NRXN1: variants seen among roughly 807,000 people sequenced by gnomAD.
NRXN1 encodes neurexin 1.
NRXN1 carries 39 observed loss-of-function variants against 150.9 expected under a neutral mutation model. The ratio of observed to expected loss-of-function variants is 0.26; its 90% CI spans 0.20 to 0.34. The LOEUF (loss-of-function observed/expected upper bound fraction) is 0.34, where lower values mean the gene tolerates loss of function less well. NRXN1 is among the 10% of genes least tolerant of loss of function. The pLI, the probability that NRXN1 is intolerant of heterozygous loss-of-function variation, is 1.00. For synonymous variants in NRXN1, 924 were observed against 757.0 expected (o/e 1.22, Z -3.62); for missense variants, 1,815 against 1,949.9 (o/e 0.93, Z 1.30).
At chr2:51,006,539 G>C (rs1209970070) in intron 2 of NRXN1, among the ~76,000 whole-genome samples, 3 of 147,954 alleles carry the variant, frequency 2.0e-5, no homozygotes, top group African/African-American at 7.8e-5. Context: ...AAAACTTAAA[G>C]TATAATAATA....
intron 5 of NRXN1, among the ~76,000 whole-genome samples, chr2:50,770,190 T>C (rs1702841017): frequency 6.6e-6 from 1 of 152,154 alleles, no homozygotes; most frequent in African/African-American, 2.4e-5. Context: ...AGAATGTCTA[T>C]AAATGTTTAA....
chr2:50,014,551 C>T (rs1220448268), intron 21 of NRXN1, among the ~76,000 whole-genome samples: 1 of 152,078 alleles, frequency 6.6e-6, no homozygotes, highest in Non-Finnish European at 1.5e-5. Context: ...TCGAAAGTGT[C>T]TCCAGACATT....
chr2:50,367,648 G>T (rs547520767), intron 17 of NRXN1, among the ~76,000 whole-genome samples: 13 of 152,070 alleles, frequency 8.5e-5, no homozygotes, highest in African/African-American at 3.1e-4. Context: ...GTCCATGAAA[G>T]CATATCTACC....
chr2:50,206,228 TAC>T (rs66795755), intron 18 of NRXN1, among the ~76,000 whole-genome samples: 4,358 of 106,272 alleles, frequency 0.041, 96 homozygotes, highest in African/African-American at 0.073. Context: ...TACACACAAA[TAC>T]ACACACACAC....
chr2:50,778,188 A>G (rs570724017), intron 5 of NRXN1, among the ~76,000 whole-genome samples: 45 of 152,298 alleles, frequency 3.0e-4, no homozygotes, highest in Middle Eastern at 3.4e-3. Flanking sequence ...CACAGGGACT[A>G]AGGATGTAAA....
Position 50,837,047 on chromosome 2 carries a change from A to G in NRXN1, c.832+84822T>C, listed in dbSNP as rs190642682. On this transcript the variant is annotated intron_variant, in intron 5 of 22. Transcript: ENST00000401669. ...CCCTGAAGATACTTTGCATATTTTTATCCTCTCAGTTAGACTTTGCTCTTT... is the reference window on the plus strand; with the variant it reads ...CCCTGAAGATACTTTGCATATTTTTGTCCTCTCAGTTAGACTTTGCTCTTT... Among the ~76,000 whole-genome samples the G allele has an allele frequency of 9.2e-5, 14 of 152,170 alleles. No individual in the cohort carries two copies. The East Asian group carries it at 2.7e-3, about 29-fold the overall frequency.
At chr2:50,958,570 C>T (rs528755681) in intron 2 of NRXN1, among the ~76,000 whole-genome samples, 4 of 152,024 alleles carry the variant, frequency 2.6e-5, no homozygotes, top group Admixed American at 1.3e-4. Flanking sequence ...TTGTATTTTG[C>T]AACCATGCTG....
intron 18 of NRXN1, among the ~76,000 whole-genome samples, chr2:50,113,877 C>A (rs1702689785): frequency 6.6e-6 from 1 of 152,046 alleles, no homozygotes; most frequent in Non-Finnish European, 1.5e-5. Context: ...ACTAATCATT[C>A]AATGGTCAGT....
At chr2:50,861,468 G>A (rs1676119871) in intron 5 of NRXN1, among the ~76,000 whole-genome samples, 1 of 152,098 alleles carries the variant, frequency 6.6e-6, no homozygotes, top group African/African-American at 2.4e-5. Context: ...CACACAGCTG[G>A]TTAGTTGGCA....
At chr2:50,355,562 G>A (rs1462991840) in intron 17 of NRXN1, among the ~76,000 whole-genome samples, 1 of 151,934 alleles carries the variant, frequency 6.6e-6, no homozygotes, top group East Asian at 1.9e-4. Flanking sequence ...ACTTTTTGTT[G>A]TTGTTGTTTT....
At chr2:50,923,076 T>A (rs1406235201) in intron 3 of NRXN1, among the ~76,000 whole-genome samples, 6 of 151,798 alleles carry the variant, frequency 4.0e-5, no homozygotes, top group Non-Finnish European at 8.8e-5. Context: ...TACATTTTTT[T>A]AAAACCCAAT....
intron 18 of NRXN1, among the ~76,000 whole-genome samples, chr2:50,167,374 G>A (rs2059751795): frequency 6.6e-6 from 1 of 151,988 alleles, no homozygotes; most frequent in Non-Finnish European, 1.5e-5. Context: ...AAGGCAAAAA[G>A]TAAAGGCCAT....
intron 9 of NRXN1, among the ~76,000 whole-genome samples, chr2:50,551,050 G>GGAAGAAGAAGAAGAAGAAGAA (rs1204760729): frequency 1.1e-4 from 9 of 79,014 alleles, no homozygotes; most frequent in African/African-American, 5.8e-4. Flanking sequence ...AAGAGGAAGA[G>GGAAGAAGAAGAAGAAGAAGAA]GAAGAAGAAG....
At chr2:50,441,246 A>T (rs959179018) in intron 17 of NRXN1, among the ~76,000 whole-genome samples, 3 of 152,170 alleles carry the variant, frequency 2.0e-5, no homozygotes, top group African/African-American at 7.2e-5. Flanking sequence ...GGGGTCCCCA[A>T]ATTATAAATT....
intron 5 of NRXN1, among the ~76,000 whole-genome samples, chr2:50,794,315 A>G (rs1365669080): frequency 1.3e-5 from 2 of 152,098 alleles, no homozygotes; most frequent in Non-Finnish European, 2.9e-5. Context: ...TTCTCCCTCA[A>G]AAGGCTTCTA....
chr2:50,541,633 C>T (rs1008040400), intron 9 of NRXN1, among the ~76,000 whole-genome samples: 20 of 152,132 alleles, frequency 1.3e-4, no homozygotes, highest in Middle Eastern at 3.4e-3. Flanking sequence ...CTTGAGTTTT[C>T]TGAACACGGT....
At chr2:50,354,253 AT>A (rs1008865096) in intron 17 of NRXN1, among the ~76,000 whole-genome samples, 2 of 152,012 alleles carry the variant, frequency 1.3e-5, no homozygotes, top group Non-Finnish European at 1.5e-5. Context: ...TTAGAAAAAA[AT>A]ATTCTATTTT....
intron 16 of NRXN1, among the ~76,000 whole-genome samples, chr2:50,471,977 C>G (rs116091915): frequency 7.3e-5 from 11 of 151,568 alleles, no homozygotes; most frequent in African/African-American, 1.9e-4. Context: ...AAGCAAGCAT[C>G]GTAGAACTGA....
intron 21 of NRXN1, among the ~76,000 whole-genome samples, chr2:49,963,668 C>T (rs1361330015): frequency 6.6e-6 from 1 of 152,138 alleles, no homozygotes; most frequent in Non-Finnish European, 1.5e-5. Context: ...AGAAATGTGC[C>T]GTTAGAAGAT....
Sources: gnomAD v4.1 joint callset for allele counts (sites outside exome capture counted in the v4.1 genomes callset) on GRCh38, gnomAD v4.1.1 for gene constraint, MANE v1.5 for transcripts, NCBI Gene and HGNC (gene_info 2026-07-23, HGNC 2026-07-21) for gene names.